PDE8B: variants seen among roughly 807,000 people sequenced by gnomAD.
PDE8B encodes the protein high affinity cAMP-specific and IBMX-insensitive 3',5'-cyclic phosphodiesterase 8B.
A neutral mutation model predicts 101.3 loss-of-function variants in PDE8B; 26 were observed. That is an observed-to-expected ratio of 0.26 (90% CI 0.19 to 0.36). The LOEUF (loss-of-function observed/expected upper bound fraction) is 0.36. Among genes scored for constraint, PDE8B ranks in the 10% least tolerant of loss-of-function variants. The probability of loss-of-function intolerance (pLI) is 1.00; values close to 1 mark genes in which losing one functional copy is unlikely to be tolerated. For synonymous variants in PDE8B, 424 were observed against 429.3 expected (o/e 0.99, Z 0.15); for missense variants, 810 against 1,163.1 (o/e 0.70, Z 4.42).
chr5:77,291,168 A>C, intron 1 of PDE8B: 8 of 1,610,906 alleles, frequency 5.0e-6, no homozygotes, highest in Non-Finnish European at 6.8e-6. Flanking sequence ...AGCTGGCCAG[A>C]GGTGTACCAC....
At chr5:77,194,673 T>G in the PDE8B span, among the ~76,000 whole-genome samples, 13 of 152,202 alleles carry the variant, frequency 8.5e-5, no homozygotes, top group Non-Finnish European at 1.6e-4. Context: ...TTCTAGATAT[T>G]TCATATAAAT....
At chr5:77,389,522 T>C (rs541483262) in intron 10 of PDE8B, among the ~76,000 whole-genome samples, 2 of 152,338 alleles carry the variant, frequency 1.3e-5, no homozygotes, top group African/African-American at 4.8e-5. Flanking sequence ...TATTTGGCCC[T>C]CTTGTCTGCA....
At chr5:77,140,418 T>TA in the PDE8B span, 1 of 152,130 alleles carries the variant, frequency 6.6e-6, no homozygotes, top group African/African-American at 2.4e-5. Context: ...CCAAGGGTGT[T>TA]AAAATCCCCA....
Position 77,242,665 on chromosome 5 carries a change from T to A in PDE8B, c.339+31401T>A, listed in dbSNP as rs569643696. Reference sequence around the variant, plus strand: ...TCAGTCAAATTTCTTTTTCTTTTTTTAATTTATTTATGTATTTATTTTTTG... The same window carrying A: ...TCAGTCAAATTTCTTTTTCTTTTTTAAATTTATTTATGTATTTATTTTTTG... On this transcript the variant is annotated intron_variant, in intron 1 of 21. Coordinates refer to ENST00000264917, the MANE Select transcript of PDE8B (RefSeq NM_003719.5). Among the ~76,000 whole-genome samples the A allele has an allele frequency of 2.3e-4, 35 of 152,330 alleles. No individual in the cohort carries two copies. The East Asian group carries it at 2.3e-3, about 10-fold the overall frequency.
chr5:77,095,543 G>A, the PDE8B span, among the ~76,000 whole-genome samples: 11 of 152,134 alleles, frequency 7.2e-5, no homozygotes, highest in Admixed American at 2.0e-4. Flanking sequence ...AGTGAGAATC[G>A]TGTGAGCTGA....
Position 77,325,564 on chromosome 5 carries a change from A to T in PDE8B, c.425A>T (p.Asp142Val). ...GTTTTGCTGATCTTTGCAAAGGAAGATAGTCAGAGCGATGGCTTCTGGTGG... is the reference window on the plus strand; with the variant it reads ...GTTTTGCTGATCTTTGCAAAGGAAGTTAGTCAGAGCGATGGCTTCTGGTGG... ...IQVLLIFAKE[D>V]SQSDGFWWAC... Residue 142 changes from aspartate to valine, a missense_variant, in exon 3 of 22, where the codon GAT (aspartate) becomes GTT (valine). Physicochemically the swap from Asp to Val is radical, Grantham distance 152. Transcript: ENST00000264917. 1 of 1,614,126 alleles carries T rather than the reference A, an allele frequency of 6.2e-7. No homozygotes were observed. Among genetic ancestry groups the T allele is most frequent in the Non-Finnish European group, 8.5e-7 (1 of 1,179,994 alleles).
At chr5:77,172,917 T>G in the PDE8B span, among the ~76,000 whole-genome samples, 15 of 152,286 alleles carry the variant, frequency 9.8e-5, no homozygotes, top group East Asian at 2.1e-3. Context: ...ACCCAAACAG[T>G]ATGTAAGCAA....
At chr5:77,177,101 C>G in the PDE8B span, among the ~76,000 whole-genome samples, 1 of 151,552 alleles carries the variant, frequency 6.6e-6, no homozygotes, top group Non-Finnish European at 1.5e-5. Flanking sequence ...AAATCTTCTA[C>G]CACTCCACAG....
In PDE8B at chr5:77,274,106, A is replaced by G. The variant is rs1763353649; in HGVS notation, c.340-37888A>G. 2.6e-5 allele frequency among the ~76,000 whole-genome samples: 4 copies of G among 152,276 alleles called. No homozygotes were observed. In the South Asian group the frequency reaches 8.3e-4, roughly 32 times the overall value. On this transcript the variant is annotated intron_variant, in intron 1 of 21. Transcript: ENST00000264917. ...CAACGTGATGGGATTACAGGCGTGA[A>G]CCATCTTGCCCAGCTAGTTCTATCT... is the stretch of plus-strand genomic sequence containing the variant.
intron 17 of PDE8B, 105 bp from the exon 18 acceptor site, chr5:77,418,124 C>G: frequency 1.3e-6 from 1 of 787,312 alleles, no homozygotes; most frequent in Non-Finnish European, 2.2e-6. Flanking sequence ...TAAAAACGTT[C>G]TGAAAATCTC....
At chr5:77,186,771 C>T in the PDE8B span, among the ~76,000 whole-genome samples, 1 of 152,084 alleles carries the variant, frequency 6.6e-6, no homozygotes, top group African/African-American at 2.4e-5. Flanking sequence ...GAACCACACC[C>T]TTCATCTTTG....
intron 1 of PDE8B, among the ~76,000 whole-genome samples, chr5:77,308,966 G>T (rs1771895108): frequency 6.6e-6 from 1 of 151,982 alleles, no homozygotes; most frequent in Non-Finnish European, 1.5e-5. Flanking sequence ...ATCACCCGAG[G>T]TCAGGAGTTT....
chr5:77,285,804 A>G (rs1357344341), intron 1 of PDE8B, among the ~76,000 whole-genome samples: 3 of 151,772 alleles, frequency 2.0e-5, no homozygotes, highest in Non-Finnish European at 4.4e-5. Flanking sequence ...TGTTCTTCAG[A>G]TTGGACAATT....
At chr5:77,260,157 C>CAA (rs66923234) in intron 1 of PDE8B, among the ~76,000 whole-genome samples, 37 of 100,962 alleles carry the variant, frequency 3.7e-4, no homozygotes, top group East Asian at 2.5e-3. Flanking sequence ...AACTCCATCA[C>CAA]AAAAAAAAAA....
At chr5:77,424,217 A>T (rs1439513461) in intron 20 of PDE8B, among the ~76,000 whole-genome samples, 1 of 152,028 alleles carries the variant, frequency 6.6e-6, no homozygotes, top group East Asian at 1.9e-4. Context: ...GCTTCCCCGG[A>T]CCCACAGAGA....
At chr5:77,266,357 G>A (rs1761709714) in intron 1 of PDE8B, among the ~76,000 whole-genome samples, 1 of 152,152 alleles carries the variant, frequency 6.6e-6, no homozygotes, top group Non-Finnish European at 1.5e-5. Context: ...TCAGAAATGT[G>A]CCAAGTTTTT....
intron 10 of PDE8B, among the ~76,000 whole-genome samples, chr5:77,362,692 C>T (rs1412642496): frequency 2.0e-5 from 3 of 152,164 alleles, no homozygotes; most frequent in Admixed American, 6.5e-5. Context: ...GACTTCCTGC[C>T]CCGCTTTCCC....
intron 1 of PDE8B, among the ~76,000 whole-genome samples, chr5:77,309,263 G>A (rs1360936101): frequency 2.0e-5 from 2 of 102,306 alleles, no homozygotes; most frequent in African/African-American, 5.3e-5. Flanking sequence ...GGAGAGGAAA[G>A]AGAGAGAAAG....
At chr5:77,228,191 C>T (rs948246003) in intron 1 of PDE8B, among the ~76,000 whole-genome samples, 1 of 152,178 alleles carries the variant, frequency 6.6e-6, no homozygotes, top group Non-Finnish European at 1.5e-5. Flanking sequence ...TGGCTGGACA[C>T]CACCCTCAGT....
Sources: gnomAD v4.1 joint callset for allele counts (sites outside exome capture counted in the v4.1 genomes callset) on GRCh38, gnomAD v4.1.1 for gene constraint, MANE v1.5 for transcripts, NCBI Gene and HGNC (gene_info 2026-07-23, HGNC 2026-07-21) for gene names.